Variants in KCNN3 observed in about 807,000 individuals in gnomAD.
KCNN3 encodes potassium calcium-activated channel subfamily N member 3.
In KCNN3, 16 loss-of-function variants were observed where a neutral mutation model predicts 62.9. That is an observed-to-expected ratio of 0.25 (90% CI 0.17 to 0.39). The LOEUF (loss-of-function observed/expected upper bound fraction) is 0.39, where lower values mean the gene tolerates loss of function less well. Among genes scored for constraint, KCNN3 ranks in the 10% least tolerant of loss-of-function variants. KCNN3 has a pLI of 1.00. For synonymous variants in KCNN3, 370 were observed against 389.2 expected, an observed-to-expected ratio of 0.95 and a Z score of 0.58; for missense variants, 599 against 949.4, an observed-to-expected ratio of 0.63 and a Z score of 4.85.
rs1653122002 is a variant in KCNN3 at position 154,870,023 on chromosome 1, C to G, written c.-59G>C. 6.4e-7 allele frequency: 1 copy of G among 1,562,314 alleles called. No homozygotes were observed. Among genetic ancestry groups the G allele is most frequent in the Admixed American group, 1.8e-5 (1 of 55,640 alleles). ...CCCCCACCCCAAAGCCACCCTCGCT[C>G]CAAAGATGTCCTCAAAGAAAGCCAG... On this transcript the variant is annotated 5_prime_UTR_variant, in exon 1 of 8. Transcript: ENST00000271915.
At chr1:154,788,932 T>C (rs1649398057) in intron 2 of KCNN3, among the ~76,000 whole-genome samples, 1 of 152,166 alleles carries the variant, frequency 6.6e-6, no homozygotes, top group Non-Finnish European at 1.5e-5. Flanking sequence ...AGCTGGTAAG[T>C]GGTTTACTCA....
At chr1:154,763,209 T>G (rs915582757) in intron 3 of KCNN3, among the ~76,000 whole-genome samples, 1 of 152,212 alleles carries the variant, frequency 6.6e-6, no homozygotes, top group African/African-American at 2.4e-5. Context: ...TCAATTAAAT[T>G]TATATTTTAG....
At chr1:154,800,533 G>A (rs988636824) in intron 2 of KCNN3, among the ~76,000 whole-genome samples, 16 of 152,100 alleles carry the variant, frequency 1.1e-4, no homozygotes, top group African/African-American at 3.4e-4. Context: ...ACAGAGCTCC[G>A]AGCTGGCCTT....
intron 2 of KCNN3, among the ~76,000 whole-genome samples, chr1:154,798,354 T>A (rs986153807): frequency 3.9e-5 from 6 of 152,210 alleles, no homozygotes; most frequent in African/African-American, 1.2e-4. Flanking sequence ...AACATCATTA[T>A]CCCCATTCAC....
intron 1 of KCNN3, among the ~76,000 whole-genome samples, chr1:154,825,225 T>C (rs895178389): frequency 6.6e-6 from 1 of 152,160 alleles, no homozygotes; most frequent in Non-Finnish European, 1.5e-5. Flanking sequence ...TGAGGACCAA[T>C]AAGGGGCTTG....
At chr1:154,817,848 G>A (rs1474177702) in intron 2 of KCNN3, among the ~76,000 whole-genome samples, 3 of 152,158 alleles carry the variant, frequency 2.0e-5, no homozygotes, top group Non-Finnish European at 4.4e-5. Flanking sequence ...TTAAATAGAT[G>A]CTGAACCAAT....
chr1:154,730,357 A>G (rs1194031379), intron 4 of KCNN3, among the ~76,000 whole-genome samples: 1 of 152,236 alleles, frequency 6.6e-6, no homozygotes, highest in Non-Finnish European at 1.5e-5. Flanking sequence ...CCACACACAC[A>G]CAAATCCTTC....
chr1:154,736,348 G>A (rs1034453057), intron 3 of KCNN3, among the ~76,000 whole-genome samples: 4 of 152,226 alleles, frequency 2.6e-5, no homozygotes, highest in East Asian at 3.8e-4. Flanking sequence ...GGATTTACAC[G>A]TGCAGTGGAG....
At chr1:154,747,096 C>T (rs1250806621) in intron 3 of KCNN3, among the ~76,000 whole-genome samples, 5 of 152,330 alleles carry the variant, frequency 3.3e-5, no homozygotes, top group African/African-American at 1.2e-4. Flanking sequence ...CAGCCAGCCA[C>T]ACTAGGACAC....
At chr1:154,760,540 C>T (rs1213509216) in intron 3 of KCNN3, among the ~76,000 whole-genome samples, 1 of 152,160 alleles carries the variant, frequency 6.6e-6, no homozygotes, top group Non-Finnish European at 1.5e-5. Context: ...GAACGCTCTG[C>T]TCCTCCACAG....
rs918235152 is a variant in KCNN3 at position 154,698,059 on chromosome 1, T to C, written c.*9917A>G. ...AAATGTATTCATTCATATGGAGTTT[T>C]TGGAGGAAGAGCTTTAAGGAATGAC... On this transcript the variant is annotated 3_prime_UTR_variant, in exon 8 of 8. Transcript: ENST00000271915. 6.6e-6 allele frequency: 1 copy of C among 152,198 alleles called. No individual in the cohort carries two copies. Among genetic ancestry groups the C allele is most frequent in the Non-Finnish European group, 1.5e-5 (1 of 68,032 alleles). 9.4% of individuals were successfully genotyped at this position (152,198 alleles called of 1,614,324 possible).
chr1:154,781,047 T>C (rs1649025862), intron 2 of KCNN3, among the ~76,000 whole-genome samples: 1 of 152,180 alleles, frequency 6.6e-6, no homozygotes, highest in Admixed American at 6.5e-5. Flanking sequence ...ACAGTGGCTC[T>C]TTGGTCCGGC....
intron 2 of KCNN3, among the ~76,000 whole-genome samples, chr1:154,789,462 A>G (rs969600430): frequency 2.0e-5 from 3 of 152,282 alleles, no homozygotes; most frequent in East Asian, 1.9e-4. Context: ...CTACCACATT[A>G]TGCTTTTGAC....
intron 2 of KCNN3, among the ~76,000 whole-genome samples, chr1:154,805,073 C>G (rs917612144): frequency 2.0e-5 from 3 of 152,190 alleles, no homozygotes; most frequent in Non-Finnish European, 4.4e-5. Flanking sequence ...AGAGAATATG[C>G]CCCATTTCCC....
At chr1:154,780,596 T>G (rs113458405) in intron 2 of KCNN3, among the ~76,000 whole-genome samples, 1 of 146,248 alleles carries the variant, frequency 6.8e-6, no homozygotes, top group Non-Finnish European at 1.5e-5. Context: ...GTTTTATATT[T>G]TATATATATA....
chr1:154,845,513 G>A (rs367672142), intron 1 of KCNN3, among the ~76,000 whole-genome samples: 15 of 152,130 alleles, frequency 9.9e-5, no homozygotes, highest in African/African-American at 2.7e-4. Flanking sequence ...TTCTCACTGC[G>A]GGGGCCCCAC....
At position 154,849,435 on chromosome 1, in the gene KCNN3, C is replaced by T. The variant is rs184037697; in HGVS notation, c.933+19597G>A. On this transcript the variant is annotated intron_variant, in intron 1 of 7. Transcript: ENST00000271915. ...GGATTGGCCTGCTGCCTCCCTTTGCCGGCACATCACAGCTGACTAAGCATG... is the reference window on the plus strand; with the variant it reads ...GGATTGGCCTGCTGCCTCCCTTTGCTGGCACATCACAGCTGACTAAGCATG... Among the ~76,000 whole-genome samples, 19 of 152,310 alleles carry T rather than the reference C, an allele frequency of 1.2e-4. No individual in the cohort carries two copies. The East Asian group carries it at 3.3e-3, about 26-fold the overall frequency.
chr1:154,840,788 A>C (rs1368049766), intron 1 of KCNN3, among the ~76,000 whole-genome samples: 1 of 152,198 alleles, frequency 6.6e-6, no homozygotes, highest in African/African-American at 2.4e-5. Flanking sequence ...TCAGGTTTGC[A>C]GGGCCTCAGA....
chr1:154,758,675 G>A (rs2131900), intron 3 of KCNN3, among the ~76,000 whole-genome samples: 1 of 151,984 alleles, frequency 6.6e-6, no homozygotes, highest in East Asian at 1.9e-4. Flanking sequence ...GAACGAGGTG[G>A]GGTACTCAAG....
Sources: gnomAD v4.1 joint callset for allele counts (sites outside exome capture counted in the v4.1 genomes callset) on GRCh38, gnomAD v4.1.1 for gene constraint, MANE v1.5 for transcripts, NCBI Gene and HGNC (gene_info 2026-07-23, HGNC 2026-07-21) for gene names.